The following ACER3 variants were observed in gnomAD, a reference collection of about 807,000 sequenced individuals.
The protein encoded by ACER3 is alkCDase 3.
ACER3 carries 16 observed loss-of-function variants against 48.9 expected under a neutral mutation model. The observed-to-expected ratio is 0.33, with a 90% CI of 0.22 to 0.50. The LOEUF (loss-of-function observed/expected upper bound fraction) is 0.50, where lower values mean the gene tolerates loss of function less well. Among genes scored for constraint, ACER3 ranks in the 20% least tolerant of loss-of-function variants. The probability of loss-of-function intolerance (pLI) is 0.98; values close to 1 mark genes in which losing one functional copy is unlikely to be tolerated. For missense variants in ACER3, 227 were observed against 326.0 expected, an observed-to-expected ratio of 0.70 and a Z score of 2.34; for synonymous variants, 109 against 107.8, an observed-to-expected ratio of 1.01 and a Z score of -0.07.
chr11:76,975,874 CT>C (rs34786738), intron 3 of ACER3, among the ~76,000 whole-genome samples: 3,235 of 82,640 alleles, frequency 0.039, 42 homozygotes, highest in East Asian at 0.064. Flanking sequence ...TTTTTCTTTT[CT>C]TTTTTTTTTT....
intron 1 of ACER3, among the ~76,000 whole-genome samples, chr11:76,865,058 C>T (rs1945040085): frequency 1.3e-5 from 2 of 151,478 alleles, no homozygotes; most frequent in South Asian, 2.1e-4. Flanking sequence ...ACTGCAGCCT[C>T]GACCTCCCAG....
At chr11:76,972,779 C>T (rs1012193961) in intron 3 of ACER3, among the ~76,000 whole-genome samples, 5 of 152,076 alleles carry the variant, frequency 3.3e-5, no homozygotes, top group Non-Finnish European at 7.4e-5. Flanking sequence ...ACACCTCCTC[C>T]ATGTACCAGG....
At chr11:76,887,813 T>G (rs1305463226) in intron 1 of ACER3, among the ~76,000 whole-genome samples, 3 of 36,892 alleles carry the variant, frequency 8.1e-5, no homozygotes, top group Non-Finnish European at 2.5e-4. Context: ...ATAGGTAACT[T>G]TTTTTTTTTT....
At chr11:76,964,024 A>C (rs931657621) in intron 3 of ACER3, among the ~76,000 whole-genome samples, 1 of 151,470 alleles carries the variant, frequency 6.6e-6, no homozygotes, top group Admixed American at 6.5e-5. Context: ...GCATCGCCTC[A>C]CCCAGGAAGT....
chr11:76,922,139 T>C (rs1007469353), intron 1 of ACER3, among the ~76,000 whole-genome samples: 9 of 152,144 alleles, frequency 5.9e-5, no homozygotes, highest in African/African-American at 2.2e-4. Context: ...GAACTTTCTG[T>C]CAGGGTTGTC....
chr11:76,871,426 T>C (rs747445990), intron 1 of ACER3, among the ~76,000 whole-genome samples: 4 of 152,188 alleles, frequency 2.6e-5, no homozygotes, highest in Admixed American at 6.5e-5. Flanking sequence ...AAGGTATACA[T>C]TGGTTCAGTC....
At chr11:77,020,150 C>A in intron 10 of ACER3, 124 bp from the exon 11 acceptor site, 2 of 922,116 alleles carry the variant, frequency 2.2e-6, no homozygotes, top group Non-Finnish European at 3.3e-6. Context: ...GCTGCTAATA[C>A]CAGGACAATC....
intron 5 of ACER3, 119 bp downstream of exon 5, chr11:76,985,843 C>T (rs1948676249): frequency 1.9e-6 from 1 of 527,986 alleles, no homozygotes; most frequent in African/African-American, 2.0e-5. Flanking sequence ...CTACACAAAA[C>T]AAGAATATCA....
intron 2 of ACER3, among the ~76,000 whole-genome samples, chr11:76,934,495 G>A (rs550057615): frequency 1.3e-4 from 20 of 152,382 alleles, no homozygotes; most frequent in African/African-American, 3.6e-4. Context: ...AGACCAGCCC[G>A]GCCAACGCAG....
At chr11:76,938,658 C>T (rs1320163406) in intron 2 of ACER3, among the ~76,000 whole-genome samples, 1 of 152,064 alleles carries the variant, frequency 6.6e-6, no homozygotes, top group Non-Finnish European at 1.5e-5. Flanking sequence ...CTAGGATTCT[C>T]ACTGTGGAAG....
chr11:76,983,039 C>T (rs961469988), intron 4 of ACER3, among the ~76,000 whole-genome samples: 1 of 152,096 alleles, frequency 6.6e-6, no homozygotes, highest in African/African-American at 2.4e-5. Context: ...TGTTCTTTTT[C>T]AGTATAGCTT....
chr11:77,005,116 C>T (rs1949107890), intron 7 of ACER3, among the ~76,000 whole-genome samples: 1 of 149,428 alleles, frequency 6.7e-6, no homozygotes, highest in South Asian at 2.1e-4. Flanking sequence ...CAGCTCACTG[C>T]AAACTCCGCC....
chr11:76,898,439 T>C (rs376451714), intron 1 of ACER3, among the ~76,000 whole-genome samples: 12 of 152,196 alleles, frequency 7.9e-5, no homozygotes, highest in Non-Finnish European at 1.5e-4. Flanking sequence ...ACTCCTGGGC[T>C]CAAGTGATCC....
intron 5 of ACER3, among the ~76,000 whole-genome samples, chr11:76,986,943 G>A (rs2135207638): frequency 6.6e-6 from 1 of 152,276 alleles, no homozygotes; most frequent in Non-Finnish European, 1.5e-5. Context: ...GCACTCCCCT[G>A]TAATCGCAGC....
chr11:76,958,434 A>T (rs6592685), intron 2 of ACER3, among the ~76,000 whole-genome samples: 3 of 151,346 alleles, frequency 2.0e-5, no homozygotes, highest in Non-Finnish European at 4.4e-5. Context: ...TGGTCCACCC[A>T]CCTCAACCTC....
intron 9 of ACER3, among the ~76,000 whole-genome samples, chr11:77,018,348 A>G (rs984511241): frequency 6.6e-6 from 1 of 152,146 alleles, no homozygotes; most frequent in Non-Finnish European, 1.5e-5. Context: ...TGCTCCACCA[A>G]TTGGCCATTC....
At chr11:76,976,197 A>C in intron 3 of ACER3, 92 bp from the exon 4 acceptor site, 1 of 1,025,164 alleles carries the variant, frequency 9.8e-7, no homozygotes, top group Non-Finnish European at 1.5e-6. Context: ...TAAGAGCTGA[A>C]AATCTTAATC....
chr11:76,951,860 G>C (rs759559967), intron 2 of ACER3, among the ~76,000 whole-genome samples: 1 of 152,070 alleles, frequency 6.6e-6, no homozygotes. Context: ...CATGTACCAG[G>C]GTACCCACTG....
At chr11:76,941,912 T>C (rs1284875606) in intron 2 of ACER3, among the ~76,000 whole-genome samples, 1 of 151,976 alleles carries the variant, frequency 6.6e-6, no homozygotes, top group Non-Finnish European at 1.5e-5. Context: ...ATTATTATCA[T>C]TATCATTATT....
Sources: allele counts gnomAD v4.1 joint callset (sites outside exome capture counted in the v4.1 genomes callset), GRCh38; gene constraint gnomAD v4.1.1; transcripts MANE v1.5; gene names NCBI Gene and HGNC (gene_info 2026-07-23, HGNC 2026-07-21).